ERICH6B: variants seen among roughly 807,000 people sequenced by gnomAD.
ERICH6B encodes the protein glutamate-rich protein 6B.
Under a neutral mutation model 80.0 loss-of-function variants are expected in ERICH6B, and 69 were observed. That is an observed-to-expected ratio of 0.86 (90% confidence interval 0.71 to 1.05). The LOEUF is 1.05. Ranked by LOEUF, ERICH6B falls within the 50% of genes least tolerant of loss-of-function variation. The pLI is 0.00. For synonymous variants in ERICH6B, 283 were observed against 291.9 expected (o/e 0.97, Z 0.31); for missense variants, 754 against 796.1 (o/e 0.95, Z 0.64).
At chr13:45,613,098 C>T (rs183355973) in intron 1 of ERICH6B, among the ~76,000 whole-genome samples, 1 of 152,288 alleles carries the variant, frequency 6.6e-6, no homozygotes, top group Non-Finnish European at 1.5e-5. Flanking sequence ...CCTTGGTAGA[C>T]ATGTTATCCT....
intron 13 of ERICH6B, among the ~76,000 whole-genome samples, chr13:45,548,527 A>G (rs1356159430): frequency 1.3e-5 from 2 of 152,104 alleles, no homozygotes. Flanking sequence ...CCATTCACAG[A>G]GAGAGGGAGA....
intron 2 of ERICH6B, among the ~76,000 whole-genome samples, chr13:45,606,530 TATATATATATATATATA>T (rs1250459667): frequency 2.9e-4 from 10 of 34,486 alleles, no homozygotes; most frequent in East Asian, 1.0e-3. Context: ...TATATATATA[TATATATATATATATATA>T]TTTTTTTTTT....
intron 6 of ERICH6B, 57 bp from the exon 7 acceptor site, chr13:45,580,031 C>T: frequency 7.7e-7 from 1 of 1,297,424 alleles, no homozygotes; most frequent in Non-Finnish European, 1.1e-6. Flanking sequence ...CTAGTCCAGA[C>T]CTTTTAATCC....
intron 13 of ERICH6B, among the ~76,000 whole-genome samples, chr13:45,547,990 G>T (rs190755332): frequency 1.3e-5 from 2 of 152,260 alleles, no homozygotes; most frequent in East Asian, 3.9e-4. Context: ...TCCTGCTCAG[G>T]GGGTGAAAAG....
rs904057380 is a variant in ERICH6B, at chr13:45,590,544, T to A, written c.686+105A>T. On this transcript the variant is annotated intron_variant, in intron 4 of 14. Transcript: ENST00000298738. ...GAACCCCCACTAAACTCCTTCTTCC[T>A]CCCCTACTCCATGCCACTCCCTGTC... 5.6e-5 allele frequency: 60 copies of A among 1,079,472 alleles called. 1 individual carries two copies. The highest frequency in any genetic ancestry group is 3.1e-4 in the South Asian group (20 of 63,852). The allele number at this position is 1,079,472 out of a possible 1,614,324, so 66.9% of individuals were successfully genotyped here. A position where few individuals can be genotyped will look rare whatever the true frequency, so the allele number is the denominator to read the frequency against.
chr13:45,561,743 C>A (rs1874691364), intron 10 of ERICH6B, among the ~76,000 whole-genome samples: 1 of 152,168 alleles, frequency 6.6e-6, no homozygotes, highest in Non-Finnish European at 1.5e-5. Context: ...TTTGGTCACA[C>A]ATTCACTCAA....
chr13:45,544,294 C>T (rs994600473), intron 14 of ERICH6B, among the ~76,000 whole-genome samples: 10 of 152,130 alleles, frequency 6.6e-5, no homozygotes, highest in East Asian at 3.9e-4. Context: ...AGGCTGGTCT[C>T]GAACTCCTGG....
At chr13:45,578,598 C>T (rs1168623158) in intron 7 of ERICH6B, among the ~76,000 whole-genome samples, 1 of 152,224 alleles carries the variant, frequency 6.6e-6, no homozygotes, top group Admixed American at 6.5e-5. Flanking sequence ...AAACTCAATC[C>T]TGTTTTTACC....
chr13:45,553,597 A>G (rs566927823), intron 11 of ERICH6B, among the ~76,000 whole-genome samples: 1 of 152,296 alleles, frequency 6.6e-6, no homozygotes, highest in African/African-American at 2.4e-5. Flanking sequence ...TTAATTCCAC[A>G]GCATACTGAC....
chr13:45,613,322 T>G (rs1949910418), intron 1 of ERICH6B, among the ~76,000 whole-genome samples: 1 of 152,140 alleles, frequency 6.6e-6, no homozygotes, highest in Non-Finnish European at 1.5e-5. Flanking sequence ...GAAAAGCTGG[T>G]TGTACAGACT....
At chr13:45,562,952 T>A (rs1008215854) in intron 10 of ERICH6B, among the ~76,000 whole-genome samples, 1 of 152,178 alleles carries the variant, frequency 6.6e-6, no homozygotes, top group Non-Finnish European at 1.5e-5. Context: ...CCATGATTGA[T>A]TAGTGCTATG....
chr13:45,549,774 C>T (rs1874137855), intron 13 of ERICH6B, 119 bp downstream of exon 13: 4 of 1,164,950 alleles, frequency 3.4e-6, no homozygotes, highest in Middle Eastern at 2.2e-4. Flanking sequence ...TGCTCATTCT[C>T]CCATTTCCAA....
At position 45,597,023 on chromosome 13, in the gene ERICH6B, T is replaced by G. The variant is rs1050490199; in HGVS notation, c.-18A>C. ...GCAGACATGCTGGGGAAGTCGTAGG[T>G]GGTGAACTCCTTCTGCAGCAGCCAA... On this transcript the variant is annotated 5_prime_UTR_variant, in exon 3 of 15. Transcript: ENST00000298738. 2.4e-5 allele frequency: 37 copies of G among 1,522,754 alleles called. No individual in the cohort carries two copies. The highest frequency in any genetic ancestry group is 1.0e-4 in the Admixed American group (5 of 48,700). 94.3% of individuals were successfully genotyped at this position (1,522,754 alleles called of 1,614,324 possible). A position where few individuals can be genotyped will look rare whatever the true frequency, so the allele number is the denominator to read the frequency against.
chr13:45,604,751 C>T lies in ERICH6B; in HGVS notation c.-59+2813G>A, dbSNP rs78833949. Among the ~76,000 whole-genome samples, 147 of 151,820 alleles carry T rather than the reference C, an allele frequency of 9.7e-4. No individual in the cohort carries two copies. The East Asian group carries it at 0.027, about 28-fold the overall frequency. ...AGAAGCCTAGCTACCACAGTAAGAC[C>T]CTATCTCTAAAAAAAACCTAAAAAA... On this transcript the variant is annotated intron_variant, in intron 2 of 14. Transcript: ENST00000298738.
intron 8 of ERICH6B, among the ~76,000 whole-genome samples, chr13:45,571,787 C>A (rs1383366738): frequency 2.6e-5 from 4 of 152,036 alleles, no homozygotes; most frequent in Non-Finnish European, 5.9e-5. Context: ...TCTTTACAGC[C>A]AGGGGAAATG....
At chr13:45,555,012 C>G (rs183329947) in intron 11 of ERICH6B, among the ~76,000 whole-genome samples, 4 of 152,160 alleles carry the variant, frequency 2.6e-5, no homozygotes, top group Admixed American at 6.5e-5. Context: ...GAGAGAGGAT[C>G]CTCTGCTTAG....
intron 1 of ERICH6B, among the ~76,000 whole-genome samples, chr13:45,615,341 T>C (rs542566769): frequency 6.6e-6 from 1 of 152,196 alleles, no homozygotes; most frequent in Non-Finnish European, 1.5e-5. Context: ...GAAGTCATAG[T>C]ATCCACACTC....
chr13:45,545,987 A>G (rs1873975835), intron 13 of ERICH6B, among the ~76,000 whole-genome samples: 1 of 152,170 alleles, frequency 6.6e-6, no homozygotes, highest in Non-Finnish European at 1.5e-5. Context: ...ATAGACTATA[A>G]CTACCATGAA....
At chr13:45,577,079 T>C (rs1303680510) in intron 7 of ERICH6B, among the ~76,000 whole-genome samples, 2 of 152,010 alleles carry the variant, frequency 1.3e-5, no homozygotes, top group African/African-American at 4.8e-5. Context: ...GTGGTAGCTC[T>C]GTCATCTGGA....
Sources: gnomAD v4.1 joint callset for allele counts (sites outside exome capture counted in the v4.1 genomes callset) on GRCh38, gnomAD v4.1.1 for gene constraint, MANE v1.5 for transcripts, NCBI Gene and HGNC (gene_info 2026-07-23, HGNC 2026-07-21) for gene names.